The following PARD3 variants were observed in gnomAD, a reference collection of about 807,000 sequenced individuals.
The protein encoded by PARD3 is par-3 family cell polarity regulator, also known as partitioning defective 3 homolog.
A neutral mutation model predicts 155.4 loss-of-function variants in PARD3; 75 were observed. The ratio of observed to expected loss-of-function variants is 0.48; its 90% CI spans 0.40 to 0.58. The LOEUF is 0.58. PARD3 is among the 20% of genes least tolerant of loss of function. PARD3 has a pLI of 0.00. For synonymous variants in PARD3, 576 were observed against 610.5 expected (o/e 0.94, Z 0.83); for missense variants, 1,642 against 1,721.7 (o/e 0.95, Z 0.82).
At chr10:34,213,773 G>A (rs962350090) in intron 22 of PARD3, among the ~76,000 whole-genome samples, 1 of 152,184 alleles carries the variant, frequency 6.6e-6, no homozygotes, top group Non-Finnish European at 1.5e-5. Context: ...CGTGGGCAGT[G>A]CTGCTCCACG....
At chr10:34,346,066 A>T in intron 15 of PARD3, 1 of 987,006 alleles carries the variant, frequency 1.0e-6, no homozygotes, top group Non-Finnish European at 1.2e-6. Context: ...CCCCCAGCCC[A>T]AAGTGGTAAA....
chr10:34,629,605 A>T (rs2092159031), intron 2 of PARD3, among the ~76,000 whole-genome samples: 1 of 152,238 alleles, frequency 6.6e-6, no homozygotes, highest in Non-Finnish European at 1.5e-5. Flanking sequence ...TGCAAGTTTC[A>T]TATGTATGTA....
At chr10:34,577,808 T>C (rs976202668) in intron 2 of PARD3, among the ~76,000 whole-genome samples, 3 of 152,086 alleles carry the variant, frequency 2.0e-5, no homozygotes, top group Non-Finnish European at 4.4e-5. Flanking sequence ...TGACCAGGCA[T>C]AGAAATTCTT....
intron 3 of PARD3, among the ~76,000 whole-genome samples, chr10:34,483,540 C>A (rs1189076072): frequency 6.6e-6 from 1 of 150,742 alleles, no homozygotes; most frequent in Non-Finnish European, 1.5e-5. Context: ...GAAGCTTATG[C>A]TATTGTTATT....
At chr10:34,593,858 G>C (rs2088959538) in intron 2 of PARD3, among the ~76,000 whole-genome samples, 1 of 152,118 alleles carries the variant, frequency 6.6e-6, no homozygotes, top group African/African-American at 2.4e-5. Flanking sequence ...TGTCATTTAA[G>C]ACTCGATATT....
At chr10:34,166,054 T>G (rs1383101678) in intron 22 of PARD3, among the ~76,000 whole-genome samples, 1 of 152,248 alleles carries the variant, frequency 6.6e-6, no homozygotes, top group Non-Finnish European at 1.5e-5. Context: ...TTTCTTTCCC[T>G]AAACCTTCCC....
chr10:34,591,290 CAGTA>C (rs2088653076), intron 2 of PARD3, among the ~76,000 whole-genome samples: 4 of 152,184 alleles, frequency 2.6e-5, no homozygotes, highest in African/African-American at 9.7e-5. Context: ...ACCCAGCTCT[CAGTA>C]AGTGTTTATA....
At chr10:34,361,905 G>A (rs1312071755) in intron 12 of PARD3, among the ~76,000 whole-genome samples, 1 of 152,166 alleles carries the variant, frequency 6.6e-6, no homozygotes, top group African/African-American at 2.4e-5. Flanking sequence ...TAATAGTCAT[G>A]TTAACTATGC....
chr10:34,766,455 A>C (rs1322254504), intron 1 of PARD3, among the ~76,000 whole-genome samples: 1 of 152,190 alleles, frequency 6.6e-6, no homozygotes, highest in Non-Finnish European at 1.5e-5. Context: ...CTGACTCCTA[A>C]TCAGGAAACA....
chr10:34,693,789 C>A (rs1336200724), intron 2 of PARD3, among the ~76,000 whole-genome samples: 1 of 152,136 alleles, frequency 6.6e-6, no homozygotes, highest in African/African-American at 2.4e-5. Flanking sequence ...TATAATTACA[C>A]CACTGCACTC....
intron 1 of PARD3, among the ~76,000 whole-genome samples, chr10:34,784,793 C>T (rs1027459876): frequency 6.6e-6 from 1 of 152,148 alleles, no homozygotes; most frequent in African/African-American, 2.4e-5. Context: ...TTCATCCCTT[C>T]TCATCTTGTG....
chr10:34,651,647 G>A (rs1473804680), intron 2 of PARD3, among the ~76,000 whole-genome samples: 1 of 152,172 alleles, frequency 6.6e-6, no homozygotes, highest in Non-Finnish European at 1.5e-5. Flanking sequence ...TTTTTTGTAA[G>A]CGACGTTAAT....
chr10:34,362,398 A>T (rs780940009), intron 12 of PARD3, among the ~76,000 whole-genome samples: 3 of 152,340 alleles, frequency 2.0e-5, no homozygotes, highest in East Asian at 3.9e-4. Flanking sequence ...TATATCAAAT[A>T]CTTTGATACA....
chr10:34,802,196 C>G (rs1004409516), intron 1 of PARD3, among the ~76,000 whole-genome samples: 1 of 151,932 alleles, frequency 6.6e-6, no homozygotes, highest in African/African-American at 2.4e-5. Flanking sequence ...GTAAAAGAAT[C>G]AGCTTAAACT....
chr10:34,375,719 A>G (rs1284253891), intron 10 of PARD3, among the ~76,000 whole-genome samples: 6 of 152,214 alleles, frequency 3.9e-5, no homozygotes, highest in Admixed American at 3.9e-4. Context: ...TTCCTTTAAA[A>G]GGTATTCTAC....
intron 24 of PARD3, among the ~76,000 whole-genome samples, chr10:34,113,543 GCA>G (rs1380839285): frequency 4.6e-5 from 7 of 151,368 alleles, no homozygotes; most frequent in African/African-American, 7.3e-5. Context: ...ACACACATGC[GCA>G]CACACACAAT....
At chr10:34,784,289 G>A (rs1840663257) in intron 1 of PARD3, among the ~76,000 whole-genome samples, 1 of 152,034 alleles carries the variant, frequency 6.6e-6, no homozygotes, top group Admixed American at 6.6e-5. Context: ...ATATATAAAA[G>A]AGTAAAGAAA....
chr10:34,296,859 A>G (rs1395513631), intron 20 of PARD3, among the ~76,000 whole-genome samples: 2 of 152,186 alleles, frequency 1.3e-5, no homozygotes, highest in Non-Finnish European at 2.9e-5. Context: ...GCATGTTCCT[A>G]TAATCCCAGA....
At chr10:34,636,498 A>G (rs1351570557) in intron 2 of PARD3, among the ~76,000 whole-genome samples, 1 of 152,186 alleles carries the variant, frequency 6.6e-6, no homozygotes, top group African/African-American at 2.4e-5. Context: ...CACAGGACAC[A>G]TGAACCCAGA....
Sources: gnomAD v4.1 joint callset for allele counts (sites outside exome capture counted in the v4.1 genomes callset) on GRCh38, gnomAD v4.1.1 for gene constraint, MANE v1.5 for transcripts, NCBI Gene and HGNC (gene_info 2026-07-23, HGNC 2026-07-21) for gene names.